Variants in KIN observed in about 807,000 individuals in gnomAD.
KIN encodes the protein Kin17 DNA and RNA binding protein.
In KIN, 47 loss-of-function variants were observed where a neutral mutation model predicts 63.0. The ratio of observed to expected loss-of-function variants is 0.75; its 90% CI spans 0.59 to 0.95. The LOEUF (loss-of-function observed/expected upper bound fraction) is 0.95. Among genes scored for constraint, KIN ranks in the 40% least tolerant of loss-of-function variants. KIN has a pLI of 0.00. For synonymous variants in KIN, 160 were observed against 157.7 expected (o/e 1.01, Z -0.11); for missense variants, 408 against 460.9 (o/e 0.89, Z 1.05).
intron 11 of KIN, 135 bp from the exon 12 acceptor site, chr10:7,760,125 T>C: frequency 2.0e-6 from 1 of 508,996 alleles, no homozygotes. Context: ...TTCTCAATCA[T>C]TTAAGAAGTG....
rs762285996 is a variant in KIN, at chr10:7,756,165, A to G, written c.1120-23T>C. ...GCCCTACAAATTAAAATAATTTAAA[A>G]TAAGGTTAAAAACACATATTCCTAA... is the stretch of plus-strand genomic sequence containing the variant. On this transcript the variant is annotated intron_variant, in intron 12 of 12. Coordinates refer to ENST00000379562, the MANE Select transcript of KIN (RefSeq NM_012311.4). 6 of 1,455,814 alleles carry G rather than the reference A, an allele frequency of 4.1e-6. No individual in the cohort carries two copies. The Admixed American group carries it at 1.3e-4, about 31-fold the overall frequency. The allele number at this position is 1,455,814 out of a possible 1,614,324, so 90.2% of individuals were successfully genotyped here.
chr10:7,764,798 A>C (rs563455011), intron 9 of KIN, among the ~76,000 whole-genome samples: 1 of 152,352 alleles, frequency 6.6e-6, no homozygotes, highest in South Asian at 2.1e-4. Flanking sequence ...AATTCATTAC[A>C]TCACTGTACT....
chr10:7,773,536 A>C (rs555756837), intron 7 of KIN, among the ~76,000 whole-genome samples: 132 of 152,336 alleles, frequency 8.7e-4, no homozygotes, highest in African/African-American at 3.0e-3. Flanking sequence ...GAACCCAAAT[A>C]ACCAACTTCT....
chr10:7,753,796 T>C lies in KIN; in HGVS notation c.*2284A>G, dbSNP rs1835279574. 1 of 211,260 alleles carries C rather than the reference T, an allele frequency of 4.7e-6. No homozygotes were observed. The highest frequency in any genetic ancestry group is 2.3e-5 in the African/African-American group (1 of 42,844). 13.1% of individuals were successfully genotyped at this position (211,260 alleles called of 1,614,324 possible). A position where few individuals can be genotyped will look rare whatever the true frequency, so the allele number is the denominator to read the frequency against. ...ACCTTAATTCATCCCTGAGGAACAT[T>C]TTCTGTAAAGCTTCTGCCATCATCC... On this transcript the variant is annotated 3_prime_UTR_variant, in exon 13 of 13. Coordinates refer to ENST00000379562, the MANE Select transcript of KIN (RefSeq NM_012311.4).
intron 8 of KIN, among the ~76,000 whole-genome samples, chr10:7,767,660 T>C (rs901499426): frequency 6.6e-6 from 1 of 151,876 alleles, no homozygotes; most frequent in African/African-American, 2.4e-5. Flanking sequence ...GAGTTCAAGA[T>C]CAGCCTGGCC....
intron 12 of KIN, among the ~76,000 whole-genome samples, chr10:7,756,634 C>T (rs978761124): frequency 3.3e-5 from 5 of 152,198 alleles, no homozygotes; most frequent in African/African-American, 9.7e-5. Context: ...GTTCACAAAT[C>T]GCCACTTAGA....
rs78205989 is a variant in KIN, at chr10:7,761,656, T to C, written c.1018+801A>G. Among the ~76,000 whole-genome samples, 151 of 152,324 alleles carry C rather than the reference T, an allele frequency of 9.9e-4. 1 individual carries two copies. In the East Asian group the frequency reaches 0.023, roughly 23 times the overall value. On this transcript the variant is annotated intron_variant, in intron 11 of 12. Coordinates refer to ENST00000379562, the MANE Select transcript of KIN (RefSeq NM_012311.4). The stretch of plus-strand genomic sequence containing the variant: ...CACTGTCAAGATGCAATCAAAATTA[T>C]TTAAAATATTGTATAAAATTACCTT...
chr10:7,765,212 A>G lies in KIN; in HGVS notation c.849+841T>C, dbSNP rs1835519072. Among the ~76,000 whole-genome samples the G allele has an allele frequency of 2.0e-5, 3 of 151,978 alleles. No homozygotes were observed. The South Asian group carries it at 6.2e-4, about 32-fold the overall frequency. On this transcript the variant is annotated intron_variant, in intron 9 of 12. Coordinates refer to ENST00000379562, the MANE Select transcript of KIN (RefSeq NM_012311.4). Reference sequence around the variant, plus strand: ...ACAGTGGCTCGGGCCAGTAATCCTAACACCCTGGGAAGTCGAGGCAGGAGG... The same window carrying G: ...ACAGTGGCTCGGGCCAGTAATCCTAGCACCCTGGGAAGTCGAGGCAGGAGG...
chr10:7,768,419 G>T (rs1242556171), intron 8 of KIN, among the ~76,000 whole-genome samples: 1 of 152,036 alleles, frequency 6.6e-6, no homozygotes, highest in African/African-American at 2.4e-5. Flanking sequence ...ACTCGGGGAG[G>T]CTGAGGCAGG....
chr10:7,782,525 A>G (rs1229509790), intron 2 of KIN, among the ~76,000 whole-genome samples: 1 of 151,654 alleles, frequency 6.6e-6, no homozygotes, highest in Non-Finnish European at 1.5e-5. Context: ...CAGCCTCCTG[A>G]GTCGCTGGGA....
chr10:7,787,692 G>C (rs569807854), intron 1 of KIN, 128 bp downstream of exon 1: 1 of 719,778 alleles, frequency 1.4e-6, no homozygotes, highest in African/African-American at 1.7e-5. Flanking sequence ...GCCCACTGCA[G>C]ACCTCAGAAG....
At chr10:7,775,836 T>C in intron 5 of KIN, 37 bp from the exon 6 acceptor site, 1 of 1,321,892 alleles carries the variant, frequency 7.6e-7, no homozygotes, top group East Asian at 2.3e-5. Context: ...TGGTGTACAT[T>C]GCACTTACTA....
At chr10:7,781,444 T>C (rs1835892544) in intron 2 of KIN, among the ~76,000 whole-genome samples, 1 of 152,086 alleles carries the variant, frequency 6.6e-6, no homozygotes, top group Admixed American at 6.5e-5. Flanking sequence ...GTGCAGTCAA[T>C]AGAAAAGCAT....
At chr10:7,776,355 A>G (rs1449374399) in intron 5 of KIN, among the ~76,000 whole-genome samples, 1 of 149,302 alleles carries the variant, frequency 6.7e-6, no homozygotes, top group Non-Finnish European at 1.5e-5. Flanking sequence ...AGCCTGGCCA[A>G]CGTGGTGAAA....
At chr10:7,757,488 A>G (rs1835353524) in intron 12 of KIN, among the ~76,000 whole-genome samples, 1 of 151,968 alleles carries the variant, frequency 6.6e-6, no homozygotes, top group African/African-American at 2.4e-5. Flanking sequence ...ACAGAGTGAG[A>G]CTCTGTCTTG....
chr10:7,785,988 T>G (rs562020329), intron 1 of KIN, among the ~76,000 whole-genome samples: 25 of 152,194 alleles, frequency 1.6e-4, no homozygotes, highest in Admixed American at 3.3e-4. Flanking sequence ...CGTATCATTA[T>G]GCATTTGTCA....
intron 9 of KIN, among the ~76,000 whole-genome samples, chr10:7,764,957 C>T (rs970622955): frequency 1.1e-4 from 17 of 151,744 alleles, no homozygotes; most frequent in Admixed American, 4.6e-4. Context: ...GTCTGGAGTT[C>T]GAGACCAGCC....
At chr10:7,756,822 A>C (rs1351261859) in intron 12 of KIN, among the ~76,000 whole-genome samples, 3 of 152,210 alleles carry the variant, frequency 2.0e-5, no homozygotes, top group African/African-American at 7.2e-5. Context: ...ACACTGGTCC[A>C]GATTATAAAA....
At chr10:7,761,807 G>A (rs536542127) in intron 11 of KIN, among the ~76,000 whole-genome samples, 1 of 152,208 alleles carries the variant, frequency 6.6e-6, no homozygotes, top group Admixed American at 6.5e-5. Context: ...TCTGAGACCA[G>A]CCTGGCCAAC....
Sources: gnomAD v4.1 joint callset for allele counts (sites outside exome capture counted in the v4.1 genomes callset) on GRCh38, gnomAD v4.1.1 for gene constraint, MANE v1.5 for transcripts, NCBI Gene and HGNC (gene_info 2026-07-23, HGNC 2026-07-21) for gene names.